The following GLT8D1 variants were observed in gnomAD, a reference collection of about 807,000 sequenced individuals.
GLT8D1 encodes the protein glycosyltransferase 8 domain containing 1, also known as glycosyltransferase 8 domain-containing protein 1.
GLT8D1 carries 41 observed loss-of-function variants against 46.2 expected under a neutral mutation model. The observed-to-expected ratio is 0.89, with a 90% CI of 0.69 to 1.15. The LOEUF (loss-of-function observed/expected upper bound fraction) is 1.15. GLT8D1 is among the 50% of genes most tolerant of loss of function. GLT8D1 has a pLI of 0.00. For synonymous variants in GLT8D1, 150 were observed against 154.2 expected, an observed-to-expected ratio of 0.97 and a Z score of 0.20; for missense variants, 408 against 449.3, an observed-to-expected ratio of 0.91 and a Z score of 0.83.
chr3:52,699,877 A>G (rs534574200), intron 3 of GLT8D1, among the ~76,000 whole-genome samples: 1 of 152,354 alleles, frequency 6.6e-6, no homozygotes, highest in African/African-American at 2.4e-5. Context: ...CGACTAATTC[A>G]ATATACTGTG....
chr3:52,695,326 T>G, intron 8 of GLT8D1, 24 bp from the exon 9 acceptor site: 1 of 1,593,412 alleles, frequency 6.3e-7, no homozygotes, highest in Non-Finnish European at 8.6e-7. Context: ...AAAACAAATG[T>G]TTGTTAGTGA....
chr3:52,696,804 G>A, intron 4 of GLT8D1, 145 bp from the exon 5 acceptor site: 4 of 589,176 alleles, frequency 6.8e-6, no homozygotes, highest in Non-Finnish European at 6.1e-6. Context: ...CTGAAGTGAG[G>A]GTAATTCCCA....
chr3:52,705,378 TTCTC>T (rs964066235), intron 1 of GLT8D1, 65 bp downstream of exon 1: 4 of 152,426 alleles, frequency 2.6e-5, no homozygotes, highest in Admixed American at 2.0e-4. Flanking sequence ...TCCAAGGGAA[TTCTC>T]TCTGTTGTGG....
chr3:52,701,567 C>T (rs921609755), intron 1 of GLT8D1, among the ~76,000 whole-genome samples: 3 of 152,006 alleles, frequency 2.0e-5, no homozygotes. Context: ...TGGGGTTTCA[C>T]CATGTTGGCC....
intron 3 of GLT8D1, among the ~76,000 whole-genome samples, chr3:52,698,793 T>TA (rs1479047758): frequency 6.6e-6 from 1 of 152,018 alleles, no homozygotes; most frequent in African/African-American, 2.4e-5. Context: ...TTTTTTTTTT[T>TA]ATTCCTCATT....
Position 52,702,928 on chromosome 3 carries a change from A to C in GLT8D1, c.-36-2432T>G, listed in dbSNP as rs190815893. On this transcript the variant is annotated intron_variant, in intron 1 of 9. Transcript: ENST00000266014. Reference sequence around the variant, plus strand: ...CAACCTCCCGAGTAGCAGGGACTACAGGTGTGCGCCACCACGCCCAGCTAA... The same window carrying C: ...CAACCTCCCGAGTAGCAGGGACTACCGGTGTGCGCCACCACGCCCAGCTAA... Among the ~76,000 whole-genome samples the C allele has an allele frequency of 4.6e-3, 689 of 151,414 alleles. 6 individuals are homozygous for C. Among genetic ancestry groups the C allele is most frequent in the African/African-American group, 0.016 (644 of 41,298 alleles).
intron 1 of GLT8D1, chr3:52,703,861 T>C (rs941037279): frequency 7.2e-5 from 11 of 152,332 alleles, no homozygotes; most frequent in African/African-American, 2.6e-4. Flanking sequence ...GGGCTATTCC[T>C]GGTAAGAGAG....
Position 52,694,561 on chromosome 3 carries a change from T to TATC in GLT8D1, c.*281_*283dup. ...ATTAAAACCAACAGCAGTTTTGAAT[T>TATC]ATCTGTACCAGCTAGCTGAACTAGC... On this transcript the variant is annotated 3_prime_UTR_variant, in exon 10 of 10. Coordinates refer to ENST00000266014, the MANE Select transcript of GLT8D1 (RefSeq NM_018446.4). The TATC allele has an allele frequency of 1.7e-6, 1 of 584,128 alleles. No homozygotes were observed. The highest frequency in any genetic ancestry group is 3.0e-6 in the Non-Finnish European group (1 of 329,566). The allele number at this position is 584,128 out of a possible 1,614,324, so 36.2% of individuals were successfully genotyped here.
At position 52,700,462 on chromosome 3, in the gene GLT8D1, T is replaced by A; in HGVS notation, c.-2A>T. The A allele has an allele frequency of 6.3e-7, 1 of 1,588,796 alleles. No individual in the cohort carries two copies. Among genetic ancestry groups the A allele is most frequent in the Middle Eastern group, 1.7e-4 (1 of 6,018 alleles). On this transcript the variant is annotated 5_prime_UTR_variant, in exon 2 of 10. In the 5' UTR this introduces an upstream ATG that the reference lacks. Transcript: ENST00000266014. Reference sequence around the variant, plus strand: ...GAGCATACCTTTACGGAATGACATCTTTTTCTTCTGTCATATAAATATTAG... The same window carrying A: ...GAGCATACCTTTACGGAATGACATCATTTTCTTCTGTCATATAAATATTAG...
At position 52,695,764 on chromosome 3, in the gene GLT8D1, C is replaced by CAATT. The variant is rs377027069; in HGVS notation, c.645+160_645+163dup. 315 of 638,338 alleles carry CAATT rather than the reference C, an allele frequency of 4.9e-4. No homozygotes were observed. In the African/African-American group the frequency reaches 5.0e-3, roughly 10 times the overall value. The allele number at this position is 638,338 out of a possible 1,614,324, so 39.5% of individuals were successfully genotyped here. The stretch of plus-strand genomic sequence containing the variant: ...ACATAATAAACCAGATGTTCAAGAA[C>CAATT]AATTAGGCTGTCAAGTCCATGAAGA... On this transcript the variant is annotated intron_variant, in intron 7 of 9. Coordinates refer to ENST00000266014, the MANE Select transcript of GLT8D1 (RefSeq NM_018446.4).
intron 9 of GLT8D1, 24 bp from the exon 10 acceptor site, chr3:52,695,059 C>A: frequency 6.4e-7 from 1 of 1,560,460 alleles, no homozygotes; most frequent in Non-Finnish European, 8.8e-7. Flanking sequence ...CAAAAATAGC[C>A]ACATCGTTGC....
intron 1 of GLT8D1, 171 bp from the exon 2 acceptor site, chr3:52,700,667 G>C (rs1031366933): frequency 1.3e-4 from 59 of 466,098 alleles, no homozygotes; most frequent in Non-Finnish European, 3.4e-5. Context: ...TTTGGGATCT[G>C]AAATTTTTGT....
At chr3:52,696,519 A>G in intron 5 of GLT8D1, 23 bp downstream of exon 5, 1 of 1,245,386 alleles carries the variant, frequency 8.0e-7, no homozygotes, top group Non-Finnish European at 1.2e-6. Context: ...TGCCAAGTGC[A>G]AAGAAGGATG....
intron 1 of GLT8D1, among the ~76,000 whole-genome samples, chr3:52,702,911 C>A (rs1161639348): frequency 1.3e-5 from 2 of 151,276 alleles, no homozygotes; most frequent in Non-Finnish European, 2.9e-5. Context: ...CTCAACCTCC[C>A]GAGTAGCAGG....
intron 5 of GLT8D1, 67 bp downstream of exon 5, chr3:52,696,475 A>T: frequency 9.6e-7 from 1 of 1,037,796 alleles, no homozygotes; most frequent in Non-Finnish European, 1.5e-6. Context: ...CACTATACCC[A>T]CAGATACCCA....
chr3:52,699,295 T>C (rs1156845979), intron 3 of GLT8D1, among the ~76,000 whole-genome samples: 2 of 152,170 alleles, frequency 1.3e-5, no homozygotes, highest in Non-Finnish European at 2.9e-5. Context: ...GTCTCTTTTT[T>C]TTTTTCTTGA....
chr3:52,701,827 G>A (rs1240759247), intron 1 of GLT8D1, among the ~76,000 whole-genome samples: 5 of 152,172 alleles, frequency 3.3e-5, no homozygotes, highest in Non-Finnish European at 7.3e-5. Context: ...AAGATAGTAG[G>A]TGGAACTAAA....
Position 52,694,822 on chromosome 3 carries a change from T to G in GLT8D1, c.*23A>C. ...TCTTCCAGGACTTCCTGAGAAATGC[T>G]TGCTTACAGTTCAAATTCTGTTTCA... is the stretch of plus-strand genomic sequence containing the variant. On this transcript the variant is annotated 3_prime_UTR_variant, in exon 10 of 10. Coordinates refer to ENST00000266014, the MANE Select transcript of GLT8D1 (RefSeq NM_018446.4). 1 of 1,549,924 alleles carries G rather than the reference T, an allele frequency of 6.5e-7. No homozygotes were observed. The highest frequency in any genetic ancestry group is 8.9e-7 in the Non-Finnish European group (1 of 1,121,610).
intron 3 of GLT8D1, among the ~76,000 whole-genome samples, chr3:52,698,782 T>C (rs1354257952): frequency 3.4e-5 from 5 of 148,428 alleles, no homozygotes; most frequent in Non-Finnish European, 7.5e-5. Flanking sequence ...TGCCTTTCAT[T>C]TTTTTTTTTT....
Sources: gnomAD v4.1 joint callset for allele counts (sites outside exome capture counted in the v4.1 genomes callset) on GRCh38, gnomAD v4.1.1 for gene constraint, MANE v1.5 for transcripts, NCBI Gene and HGNC (gene_info 2026-07-23, HGNC 2026-07-21) for gene names.